NSMCE2: variants seen among roughly 807,000 people sequenced by gnomAD.
NSMCE2 encodes NSE2 SUMO ligase component of SMC5/6 complex.
NSMCE2 carries 24 observed loss-of-function variants against 23.8 expected under a neutral mutation model. The observed-to-expected ratio is 1.01, with a 90% CI of 0.73 to 1.42. The LOEUF is 1.42. Ranked by LOEUF, NSMCE2 falls within the 40% of genes most tolerant of loss-of-function variation. The pLI is 0.00. For synonymous variants in NSMCE2, 92 were observed against 94.1 expected, an observed-to-expected ratio of 0.98 and a Z score of 0.13; for missense variants, 284 against 296.5, an observed-to-expected ratio of 0.96 and a Z score of 0.31.
intron 3 of NSMCE2, among the ~76,000 whole-genome samples, chr8:125,141,964 C>T (rs1483790598): frequency 1.3e-5 from 2 of 152,064 alleles, no homozygotes; most frequent in African/African-American, 4.8e-5. Context: ...TACAGTGCTT[C>T]TTATGGAGCA....
chr8:125,234,180 G>C (rs1273333781), intron 5 of NSMCE2, among the ~76,000 whole-genome samples: 1 of 151,984 alleles, frequency 6.6e-6, no homozygotes, highest in South Asian at 2.1e-4. Flanking sequence ...GCGACAGAGC[G>C]AGACTCCGTC....
intron 5 of NSMCE2, among the ~76,000 whole-genome samples, chr8:125,279,549 T>G (rs1158342662): frequency 6.6e-6 from 1 of 152,200 alleles, no homozygotes; most frequent in East Asian, 1.9e-4. Flanking sequence ...TCGGATATAA[T>G]GTAAGTGTTT....
intron 5 of NSMCE2, among the ~76,000 whole-genome samples, chr8:125,341,493 C>A (rs1204881456): frequency 6.6e-6 from 1 of 152,182 alleles, no homozygotes; most frequent in East Asian, 1.9e-4. Context: ...GCAAGATCAA[C>A]CAGTCACCCT....
chr8:125,345,717 GCAGAAGCACAAAC>G (rs1830407925), intron 5 of NSMCE2, among the ~76,000 whole-genome samples: 1 of 152,240 alleles, frequency 6.6e-6, no homozygotes, highest in African/African-American at 2.4e-5. Context: ...AGAGATAGCA[GCAGAAGCACAAAC>G]TAATGTGCTA....
At chr8:125,110,479 A>T (rs1818676915) in intron 3 of NSMCE2, among the ~76,000 whole-genome samples, 1 of 152,200 alleles carries the variant, frequency 6.6e-6, no homozygotes. Context: ...CTCTTTTTAC[A>T]TGTGCTATTT....
At chr8:125,123,829 T>A (rs964622439) in intron 3 of NSMCE2, among the ~76,000 whole-genome samples, 9 of 152,218 alleles carry the variant, frequency 5.9e-5, no homozygotes, top group Non-Finnish European at 7.4e-5. Context: ...TTTAAAAAAA[T>A]TCCTCTCAGT....
intron 5 of NSMCE2, among the ~76,000 whole-genome samples, chr8:125,215,443 G>T (rs909159035): frequency 6.6e-6 from 1 of 151,656 alleles, no homozygotes; most frequent in Non-Finnish European, 1.5e-5. Context: ...GTCTATCATT[G>T]TTGGACATTT....
intron 4 of NSMCE2, among the ~76,000 whole-genome samples, chr8:125,179,959 G>A (rs1316273464): frequency 1.3e-5 from 2 of 152,170 alleles, no homozygotes; most frequent in Non-Finnish European, 2.9e-5. Context: ...CCTTGACAAG[G>A]CTCACCTGAA....
chr8:125,333,401 G>T (rs1218247807), intron 5 of NSMCE2, among the ~76,000 whole-genome samples: 2 of 151,072 alleles, frequency 1.3e-5, no homozygotes, highest in African/African-American at 2.4e-5. Context: ...CGAACTCCTG[G>T]CCTCAAGTGA....
At chr8:125,185,810 A>G (rs1440301774) in intron 5 of NSMCE2, among the ~76,000 whole-genome samples, 1 of 152,238 alleles carries the variant, frequency 6.6e-6, no homozygotes, top group South Asian at 2.1e-4. Flanking sequence ...ATTATTGAGA[A>G]GAGTGGCATT....
At chr8:125,154,298 A>G (rs1212630978) in intron 4 of NSMCE2, among the ~76,000 whole-genome samples, 1 of 152,156 alleles carries the variant, frequency 6.6e-6, no homozygotes, top group Non-Finnish European at 1.5e-5. Flanking sequence ...TCAGAATTCT[A>G]AAGATTATGC....
intron 5 of NSMCE2, chr8:125,351,556 C>T (rs1401600577): frequency 2.6e-5 from 4 of 152,118 alleles, no homozygotes; most frequent in African/African-American, 4.8e-5. Context: ...CTTCTAACAA[C>T]ATCGTCTATG....
intron 5 of NSMCE2, among the ~76,000 whole-genome samples, chr8:125,258,230 T>C (rs1249616239): frequency 6.6e-6 from 1 of 152,208 alleles, no homozygotes; most frequent in Admixed American, 6.5e-5. Flanking sequence ...GTTTGTTCAC[T>C]GAGGGAATGA....
At chr8:125,339,340 C>A (rs1432859205) in intron 5 of NSMCE2, among the ~76,000 whole-genome samples, 1 of 152,130 alleles carries the variant, frequency 6.6e-6, no homozygotes, top group Non-Finnish European at 1.5e-5. Flanking sequence ...TCTGCCCCAA[C>A]ACTAGACTAG....
At chr8:125,127,363 G>A (rs188382157) in intron 3 of NSMCE2, among the ~76,000 whole-genome samples, 1 of 152,058 alleles carries the variant, frequency 6.6e-6, no homozygotes, top group East Asian at 1.9e-4. Context: ...GTTTCTGTGT[G>A]GGGGGAGATT....
At chr8:125,192,903 T>G (rs1453887969) in intron 5 of NSMCE2, among the ~76,000 whole-genome samples, 1 of 152,216 alleles carries the variant, frequency 6.6e-6, no homozygotes, top group Non-Finnish European at 1.5e-5. Flanking sequence ...TTCAGTATCA[T>G]TCTAATATGT....
intron 3 of NSMCE2, among the ~76,000 whole-genome samples, chr8:125,139,604 A>G (rs1820252253): frequency 6.6e-6 from 1 of 152,178 alleles, no homozygotes; most frequent in Non-Finnish European, 1.5e-5. Flanking sequence ...CCTTTATAAA[A>G]TCATCAGATC....
At chr8:125,180,408 A>C (rs1822746427) in intron 4 of NSMCE2, among the ~76,000 whole-genome samples, 1 of 152,168 alleles carries the variant, frequency 6.6e-6, no homozygotes, top group Non-Finnish European at 1.5e-5. Context: ...TAAAATATAA[A>C]TTTTACACAT....
intron 5 of NSMCE2, among the ~76,000 whole-genome samples, chr8:125,346,370 A>C (rs1418743834): frequency 1.3e-5 from 2 of 152,244 alleles, no homozygotes; most frequent in Non-Finnish European, 2.9e-5. Context: ...TATACGAACA[A>C]CTTGCATGTA....
Sources: allele counts gnomAD v4.1 joint callset (sites outside exome capture counted in the v4.1 genomes callset), GRCh38; gene constraint gnomAD v4.1.1; transcripts MANE v1.5; gene names NCBI Gene and HGNC (gene_info 2026-07-23, HGNC 2026-07-21).